Variants in BBS9 observed in about 807,000 individuals in gnomAD.
BBS9 encodes protein PTHB1.
BBS9 carries 89 observed loss-of-function variants against 117.7 expected under a neutral mutation model. The ratio of observed to expected loss-of-function variants is 0.76; its 90% CI spans 0.64 to 0.90. BBS9 has a LOEUF of 0.90. Among genes scored for constraint, BBS9 ranks in the 40% least tolerant of loss-of-function variants. The pLI, the probability that BBS9 is intolerant of heterozygous loss-of-function variation, is 0.00. For synonymous variants in BBS9, 379 were observed against 370.9 expected (o/e 1.02, Z -0.25); for missense variants, 982 against 1,042.2 (o/e 0.94, Z 0.80).
chr7:33,591,278 T>C (rs1173919491), intron 21 of BBS9, among the ~76,000 whole-genome samples: 1 of 152,114 alleles, frequency 6.6e-6, no homozygotes, highest in Non-Finnish European at 1.5e-5. Context: ...TATGTTTATT[T>C]TCCTGTGGGA....
At chr7:33,623,459 A>C (rs914503741) in intron 21 of BBS9, among the ~76,000 whole-genome samples, 4 of 152,224 alleles carry the variant, frequency 2.6e-5, no homozygotes, top group Non-Finnish European at 4.4e-5. Flanking sequence ...GTTTTGGCCA[A>C]GAGTTTGGCA....
At chr7:33,304,732 T>C (rs994787393) in intron 9 of BBS9, among the ~76,000 whole-genome samples, 4 of 151,958 alleles carry the variant, frequency 2.6e-5, no homozygotes, top group African/African-American at 7.3e-5. Flanking sequence ...GATCAGATTG[T>C]TACTGTGTCT....
chr7:33,172,925 A>G (rs1451690991), intron 4 of BBS9, among the ~76,000 whole-genome samples: 1 of 152,244 alleles, frequency 6.6e-6, no homozygotes, highest in Non-Finnish European at 1.5e-5. Flanking sequence ...CCAATTTAAA[A>G]CAATGGGAAG....
At chr7:33,408,530 C>G (rs1049169230) in intron 19 of BBS9, among the ~76,000 whole-genome samples, 1 of 152,192 alleles carries the variant, frequency 6.6e-6, no homozygotes, top group Non-Finnish European at 1.5e-5. Flanking sequence ...TCTTCTGCGT[C>G]GCTCACGCTG....
intron 9 of BBS9, among the ~76,000 whole-genome samples, chr7:33,325,363 G>C (rs1812620267): frequency 6.6e-6 from 1 of 152,084 alleles, no homozygotes; most frequent in Admixed American, 6.6e-5. Flanking sequence ...AAATTTATCT[G>C]ATAGGATTCT....
intron 7 of BBS9, among the ~76,000 whole-genome samples, chr7:33,272,793 A>G (rs1327894064): frequency 6.6e-6 from 1 of 152,134 alleles, no homozygotes; most frequent in African/African-American, 2.4e-5. Context: ...AATAGTTAAT[A>G]TCATTTGGTA....
chr7:33,464,929 G>A (rs1376306661), intron 19 of BBS9, among the ~76,000 whole-genome samples: 1 of 151,988 alleles, frequency 6.6e-6, no homozygotes, highest in Non-Finnish European at 1.5e-5. Flanking sequence ...GGGCTCAATC[G>A]ATTCTCTCAT....
chr7:33,276,202 T>C (rs1243712821), intron 9 of BBS9, among the ~76,000 whole-genome samples: 2 of 152,178 alleles, frequency 1.3e-5, no homozygotes, highest in Non-Finnish European at 2.9e-5. Context: ...CAGTAAACTA[T>C]AATTAATGCA....
intron 19 of BBS9, among the ~76,000 whole-genome samples, chr7:33,422,358 A>G (rs140716601): frequency 7.2e-5 from 11 of 152,342 alleles, no homozygotes; most frequent in African/African-American, 2.4e-4. Flanking sequence ...TATTTACCAT[A>G]GCAGAATTAG....
At chr7:33,388,276 G>A in intron 19 of BBS9, 132 bp downstream of exon 19, 2 of 1,113,890 alleles carry the variant, frequency 1.8e-6, no homozygotes, top group Non-Finnish European at 2.6e-6. Context: ...CAGTGCACAA[G>A]CTTTAGAGTC....
At chr7:33,633,916 G>A (rs1354206791) in intron 21 of BBS9, among the ~76,000 whole-genome samples, 1 of 152,166 alleles carries the variant, frequency 6.6e-6, no homozygotes, top group Non-Finnish European at 1.5e-5. Context: ...TGCCTGCAGA[G>A]TCTTCCCCTA....
chr7:33,476,115 A>G (rs146064445), intron 19 of BBS9, among the ~76,000 whole-genome samples: 2 of 152,240 alleles, frequency 1.3e-5, no homozygotes, highest in Admixed American at 6.5e-5. Context: ...TACAAAATTT[A>G]TAACATTTTG....
intron 16 of BBS9, 78 bp downstream of exon 16, chr7:33,358,073 T>A: frequency 6.6e-7 from 1 of 1,515,158 alleles, no homozygotes; most frequent in Non-Finnish European, 9.1e-7. Context: ...CAGCAGATAA[T>A]GATGGGGTAA....
chr7:33,483,787 C>G (rs1842778434), intron 19 of BBS9, among the ~76,000 whole-genome samples: 1 of 151,942 alleles, frequency 6.6e-6, no homozygotes, highest in Admixed American at 6.6e-5. Context: ...CACGCCATGC[C>G]CAGCTAATTT....
chr7:33,218,535 C>T (rs938976330), intron 5 of BBS9, among the ~76,000 whole-genome samples: 1 of 152,198 alleles, frequency 6.6e-6, no homozygotes, highest in African/African-American at 2.4e-5. Context: ...AACTTATTAA[C>T]CACATGTGGC....
At chr7:33,220,231 C>T (rs181988198) in intron 5 of BBS9, among the ~76,000 whole-genome samples, 4 of 152,184 alleles carry the variant, frequency 2.6e-5, no homozygotes, top group African/African-American at 9.6e-5. Context: ...TATTGCCTCA[C>T]AGTTGGGAAC....
chr7:33,570,696 G>A (rs756460998), intron 21 of BBS9, among the ~76,000 whole-genome samples: 2 of 152,170 alleles, frequency 1.3e-5, no homozygotes, highest in African/African-American at 4.8e-5. Flanking sequence ...TTAACCAAAT[G>A]ATCACAGTGT....
At chr7:33,458,640 C>T (rs959065861) in intron 19 of BBS9, among the ~76,000 whole-genome samples, 7 of 152,122 alleles carry the variant, frequency 4.6e-5, no homozygotes, top group Non-Finnish European at 2.9e-5. Flanking sequence ...GAATTTGGCA[C>T]AGGGTGTAAA....
downstream of BBS9, among the ~76,000 whole-genome samples, chr7:33,608,493 T>G (rs1864699822): frequency 6.6e-6 from 1 of 152,040 alleles, no homozygotes; most frequent in African/African-American, 2.4e-5. Flanking sequence ...AATTTACATT[T>G]CCAGCAAAAG....
Sources: allele counts gnomAD v4.1 joint callset (sites outside exome capture counted in the v4.1 genomes callset), GRCh38; gene constraint gnomAD v4.1.1; transcripts MANE v1.5; gene names NCBI Gene and HGNC (gene_info 2026-07-23, HGNC 2026-07-21).